PDZD2: variants seen among roughly 807,000 people sequenced by gnomAD.
PDZD2 encodes the protein PDZ domain-containing protein 2.
PDZD2 carries 90 observed loss-of-function variants against 220.7 expected under a neutral mutation model. That is an observed-to-expected ratio of 0.41 (90% confidence interval 0.34 to 0.49). The LOEUF is 0.49. Among genes scored for constraint, PDZD2 ranks in the 20% least tolerant of loss-of-function variants. PDZD2 has a pLI of 0.28. For synonymous variants in PDZD2, 1,375 were observed against 1,450.5 expected, an observed-to-expected ratio of 0.95 and a Z score of 1.18; for missense variants, 3,174 against 3,608.5, an observed-to-expected ratio of 0.88 and a Z score of 3.08.
chr5:31,859,303 T>C (rs1400111506), intron 2 of PDZD2, among the ~76,000 whole-genome samples: 3 of 152,228 alleles, frequency 2.0e-5, no homozygotes, highest in Non-Finnish European at 4.4e-5. Context: ...CCTGTCTTGA[T>C]AAATTGGCTC....
intron 5 of PDZD2, among the ~76,000 whole-genome samples, chr5:32,009,066 C>A (rs568931363): frequency 6.6e-6 from 1 of 151,768 alleles, no homozygotes; most frequent in African/African-American, 2.4e-5. Context: ...CTGATCTAGC[C>A]GGGCTCGGTG....
At chr5:32,069,263 CA>C (rs11361686) in intron 14 of PDZD2, among the ~76,000 whole-genome samples, 46,072 of 99,466 alleles carry the variant, frequency 0.46, 7,263 homozygotes, top group East Asian at 0.62. Flanking sequence ...GACTCTGTCT[CA>C]AAAAAAAAAA....
rs1024339614 is a variant in PDZD2, at chr5:32,057,528, A to G, written c.1901-127A>G. 3.1e-5 allele frequency: 20 copies of G among 653,262 alleles called. No individual in the cohort carries two copies. The Admixed American group carries it at 3.7e-4, about 12-fold the overall frequency. 40.5% of individuals were successfully genotyped at this position (653,262 alleles called of 1,614,324 possible). A position where few individuals can be genotyped will look rare whatever the true frequency, so the allele number is the denominator to read the frequency against. On this transcript the variant is annotated intron_variant, in intron 10 of 24. Coordinates refer to ENST00000438447, the MANE Select transcript of PDZD2 (RefSeq NM_178140.4). Reference sequence around the variant, plus strand: ...GACATTCCTGGGAGCTAAGCTAAACAATAAAAGTTATTTTATGTGGTAGTA... The same window carrying G: ...GACATTCCTGGGAGCTAAGCTAAACGATAAAAGTTATTTTATGTGGTAGTA...
chr5:31,658,639 A>C (rs1482597730), intron 1 of PDZD2, among the ~76,000 whole-genome samples: 1 of 137,276 alleles, frequency 7.3e-6, no homozygotes, highest in Non-Finnish European at 1.6e-5. Context: ...TTTTTTTTTG[A>C]GACGGAGTCT....
At chr5:32,048,826 A>G in intron 8 of PDZD2, 142 bp downstream of exon 8, 1 of 773,260 alleles carries the variant, frequency 1.3e-6, no homozygotes, top group Admixed American at 2.7e-5. Flanking sequence ...GTCTACCCAG[A>G]GAGGCTACAA....
intron 2 of PDZD2, among the ~76,000 whole-genome samples, chr5:31,837,119 T>C (rs1000507807): frequency 2.7e-4 from 41 of 152,312 alleles, no homozygotes; most frequent in African/African-American, 9.6e-4. Context: ...AAGGTGTACT[T>C]GAGTTAATTC....
At chr5:31,768,501 G>A (rs1459269347) in intron 1 of PDZD2, among the ~76,000 whole-genome samples, 6 of 152,108 alleles carry the variant, frequency 3.9e-5, no homozygotes, top group Admixed American at 3.3e-4. Context: ...AATTAGCTGG[G>A]CATGGTGGCA....
chr5:31,682,619 T>C (rs1746692182), intron 1 of PDZD2, among the ~76,000 whole-genome samples: 2 of 152,156 alleles, frequency 1.3e-5, no homozygotes, highest in African/African-American at 4.8e-5. Context: ...TTGAACTCTG[T>C]TAATTTTCTC....
intron 1 of PDZD2, among the ~76,000 whole-genome samples, chr5:31,662,794 TA>T (rs1267108512): frequency 6.6e-6 from 1 of 152,200 alleles, no homozygotes; most frequent in Non-Finnish European, 1.5e-5. Flanking sequence ...CACGCCCAGC[TA>T]ATTTTTTTGC....
At chr5:32,107,506 CA>C (rs1744888747) in intron 24 of PDZD2, 1 of 152,888 alleles carries the variant, frequency 6.5e-6, no homozygotes, top group Non-Finnish European at 1.5e-5. Flanking sequence ...TGCAGCGAGC[CA>C]AAACTGTACC....
intron 2 of PDZD2, among the ~76,000 whole-genome samples, chr5:31,906,597 C>T (rs756206408): frequency 2.4e-4 from 37 of 152,240 alleles, no homozygotes; most frequent in Non-Finnish European, 4.6e-4. Context: ...AATCCTCACA[C>T]TTTGGGAAGC....
chr5:31,705,199 CACACACACACA>C (rs1747767058), intron 1 of PDZD2, among the ~76,000 whole-genome samples: 1 of 70,904 alleles, frequency 1.4e-5, no homozygotes, highest in Admixed American at 1.7e-4. Flanking sequence ...CACACACACA[CACACACACACA>C]TACACACTCA....
intron 6 of PDZD2, among the ~76,000 whole-genome samples, chr5:32,013,501 T>A (rs1324362004): frequency 6.6e-6 from 1 of 152,042 alleles, no homozygotes; most frequent in Non-Finnish European, 1.5e-5. Context: ...GTTTTATGAG[T>A]TTATTACTGT....
intron 1 of PDZD2, among the ~76,000 whole-genome samples, chr5:31,745,390 G>T (rs1750536008): frequency 6.6e-6 from 1 of 152,084 alleles, no homozygotes; most frequent in African/African-American, 2.4e-5. Context: ...CCAGCATCTA[G>T]AATAGTGTCT....
At chr5:31,644,901 C>G (rs1390389069) in intron 1 of PDZD2, among the ~76,000 whole-genome samples, 1 of 152,158 alleles carries the variant, frequency 6.6e-6, no homozygotes, top group Non-Finnish European at 1.5e-5. Context: ...GCTCATCAAG[C>G]CCTCTAGGTA....
At chr5:31,997,753 C>T (rs532766348) in intron 4 of PDZD2, among the ~76,000 whole-genome samples, 1 of 152,222 alleles carries the variant, frequency 6.6e-6, no homozygotes. Flanking sequence ...CTTTGAGCCT[C>T]TGGGCTATAC....
At position 31,665,649 on chromosome 5, in the gene PDZD2, C is replaced by CG. The variant is rs1256140543; in HGVS notation, c.-361+26212_-361+26213insG. Among the ~76,000 whole-genome samples, 71 of 116,788 alleles carry CG rather than the reference C, an allele frequency of 6.1e-4. 1 individual carries two copies. Among genetic ancestry groups the CG allele is most frequent in the Non-Finnish European group, 8.2e-4 (46 of 56,052 alleles). The allele number at this position is 116,788 out of a possible 152,430, so 76.6% of individuals were successfully genotyped here. The stretch of plus-strand genomic sequence containing the variant: ...AAGTGTTTGGAAGTTCCCCCTCCCC[C>CG]CCCTCCCTTTCCTGCTGCCTTGTGA... On this transcript the variant is annotated intron_variant, in intron 1 of 24. Coordinates refer to ENST00000438447, the MANE Select transcript of PDZD2 (RefSeq NM_178140.4).
intron 1 of PDZD2, among the ~76,000 whole-genome samples, chr5:31,691,265 G>A (rs536195561): frequency 6.6e-6 from 1 of 151,798 alleles, no homozygotes; most frequent in Non-Finnish European, 1.5e-5. Context: ...CGTTCCTCCC[G>A]GTGGGCTCGT....
intron 1 of PDZD2, among the ~76,000 whole-genome samples, chr5:31,747,322 A>G (rs1452294001): frequency 1.3e-5 from 2 of 152,180 alleles, no homozygotes; most frequent in Non-Finnish European, 2.9e-5. Flanking sequence ...CAAAGGGGGT[A>G]TGATCTAATG....
Sources: gnomAD v4.1 joint callset for allele counts (sites outside exome capture counted in the v4.1 genomes callset) on GRCh38, gnomAD v4.1.1 for gene constraint, MANE v1.5 for transcripts, NCBI Gene and HGNC (gene_info 2026-07-23, HGNC 2026-07-21) for gene names.